The following C16orf95 variants were observed in gnomAD, a reference collection of about 807,000 sequenced individuals.
The protein encoded by C16orf95 is uncharacterized protein C16orf95.
C16orf95 carries 41 observed loss-of-function variants against 32.1 expected under a neutral mutation model. The ratio of observed to expected loss-of-function variants is 1.28; its 90% CI spans 1.00 to 1.66. The LOEUF is 1.66. C16orf95 is among the 40% of genes most tolerant of loss of function. The pLI is 0.00. For synonymous variants in C16orf95, 147 were observed against 128.9 expected (o/e 1.14, Z -0.95); for missense variants, 399 against 325.9 (o/e 1.22, Z -1.73).
chr16:87,310,114 G>T (rs1167370252), intron 5 of C16orf95, among the ~76,000 whole-genome samples, 183 bp downstream of exon 5: 1 of 152,208 alleles, frequency 6.6e-6, no homozygotes, highest in Non-Finnish European at 1.5e-5. Flanking sequence ...TGGGCTCACT[G>T]GGGGAAGGCA....
intron 5 of C16orf95, among the ~76,000 whole-genome samples, chr16:87,309,101 T>C (rs965831068): frequency 6.6e-6 from 1 of 152,194 alleles, no homozygotes; most frequent in East Asian, 1.9e-4. Context: ...CATAAACTTG[T>C]CATAAAGCAT....
intron 5 of C16orf95, among the ~76,000 whole-genome samples, chr16:87,307,949 T>G (rs1911100459): frequency 6.6e-6 from 1 of 151,944 alleles, no homozygotes; most frequent in Non-Finnish European, 1.5e-5. Context: ...AGAAAATGGG[T>G]GCCCTTTAAA....
At chr16:87,307,654 A>T (rs1911086642) in intron 5 of C16orf95, among the ~76,000 whole-genome samples, 1 of 152,166 alleles carries the variant, frequency 6.6e-6, no homozygotes, top group Non-Finnish European at 1.5e-5. Context: ...GCTACTTGGG[A>T]GGCTGAGGTA....
intron 1 of C16orf95, among the ~76,000 whole-genome samples, chr16:87,316,306 A>G (rs1904332711): frequency 6.6e-6 from 1 of 152,154 alleles, no homozygotes. Flanking sequence ...CTGGGATGAC[A>G]AAGCACTTGG....
rs1440245051 is a variant in C16orf95, at chr16:87,314,931, C to T, written c.330+40G>A. ...GGTGACTGGTCAACTGACATTCACC[C>T]TGGACCCTAGGGGAAGACCTCCTGG... On this transcript the variant is annotated intron_variant, in intron 3 of 6. Coordinates refer to ENST00000567970, the MANE Select transcript of C16orf95 (RefSeq NM_001195124.3). 2.6e-6 allele frequency: 4 copies of T among 1,527,698 alleles called. No individual in the cohort carries two copies. The African/African-American group carries it at 4.1e-5, about 16-fold the overall frequency. 94.6% of individuals were successfully genotyped at this position (1,527,698 alleles called of 1,614,324 possible).
intron 5 of C16orf95, among the ~76,000 whole-genome samples, chr16:87,309,268 T>A (rs1258646273): frequency 6.6e-6 from 1 of 152,112 alleles, no homozygotes; most frequent in Non-Finnish European, 1.5e-5. Context: ...TTCAGATATG[T>A]TATAATAAGT....
intron 3 of C16orf95, among the ~76,000 whole-genome samples, chr16:87,313,005 A>T (rs1053443621): frequency 2.0e-5 from 3 of 152,236 alleles, no homozygotes; most frequent in African/African-American, 7.2e-5. Context: ...CAAAATATTT[A>T]TGGGAAATAT....
At position 87,316,676 on chromosome 16, in the gene C16orf95, C is replaced by G. The variant is rs368765967; in HGVS notation, c.152+415G>C. ...GGGGGGGGCCACAGCCATCTCAGTC[C>G]TTGTAGTTCAGGTGGGCCAAACTCA... On this transcript the variant is annotated intron_variant, in intron 1 of 6. Transcript: ENST00000567970. Among the ~76,000 whole-genome samples, 36 of 152,140 alleles carry G rather than the reference C, an allele frequency of 2.4e-4. 1 individual carries two copies. Among genetic ancestry groups the G allele is most frequent in the African/African-American group, 8.7e-4 (36 of 41,496 alleles).
Position 87,303,054 on chromosome 16 carries a change from A to C in C16orf95, c.*3T>G, listed in dbSNP as rs1235719777. ...TTCTTGACAGTAGCTGAAGATTCCA[A>C]CTTCAAACCCCAAAACACTGGCTGG... On this transcript the variant is annotated 3_prime_UTR_variant, in exon 7 of 7. Transcript: ENST00000567970. 6.5e-7 allele frequency: 1 copy of C among 1,536,108 alleles called. No homozygotes were observed. The highest frequency in any genetic ancestry group is 2.0e-5 in the Admixed American group (1 of 50,994).
chr16:87,315,804 A>T lies in C16orf95; in HGVS notation c.172T>A (p.Tyr58Asn), dbSNP rs1257452419. 2.6e-6 allele frequency: 4 copies of T among 1,531,288 alleles called. No individual in the cohort carries two copies. Among genetic ancestry groups the T allele is most frequent in the Non-Finnish European group, 2.6e-6 (3 of 1,144,504 alleles). The allele number at this position is 1,531,288 out of a possible 1,614,324, so 94.9% of individuals were successfully genotyped here. The stretch of plus-strand genomic sequence containing the variant: ...CGGGGGAGGCACACTTCTTTCTTGT[A>T]GGTTTGAAATGTGCTATTCCTAGAA... ...QDGRNSTFQT[Y>N]KKEVCLPRHS... Residue 58 changes from tyrosine (Y) to asparagine (N), a missense_variant, in exon 2 of 7, where the codon TAC (tyrosine) becomes AAC (asparagine). By Grantham distance (143) the Tyr-to-Asn change is moderately radical (BLOSUM62 -2). Transcript: ENST00000567970.
Position 87,305,628 on chromosome 16 carries a change from T to A in C16orf95, c.701+91A>T. 8.3e-7 allele frequency: 1 copy of A among 1,199,150 alleles called. No homozygotes were observed. Among genetic ancestry groups the A allele is most frequent in the Non-Finnish European group, 1.1e-6 (1 of 891,228 alleles). 74.3% of individuals were successfully genotyped at this position (1,199,150 alleles called of 1,614,324 possible). ...TGTCAAGTTAAGCCCCACCCCCCAC[T>A]CTTCCACATCCCTGATGGCCACCAA... On this transcript the variant is annotated intron_variant, in intron 6 of 6. Coordinates refer to ENST00000567970, the MANE Select transcript of C16orf95 (RefSeq NM_001195124.3). This position sits in a 1 kb window ranked among gnomAD's most constrained non-coding sequence, Gnocchi z 4.2.
intron 3 of C16orf95, among the ~76,000 whole-genome samples, chr16:87,312,362 T>C (rs1911320362): frequency 6.6e-6 from 1 of 151,868 alleles, no homozygotes; most frequent in African/African-American, 2.4e-5. Context: ...TGAGATCAGG[T>C]GTTTGAGACC....
intron 4 of C16orf95, 82 bp from the exon 5 acceptor site, chr16:87,310,415 C>A: frequency 7.3e-7 from 1 of 1,378,056 alleles, no homozygotes; most frequent in Non-Finnish European, 1.0e-6. Flanking sequence ...TCCAAACCTC[C>A]AGGAGGGGCA....
intron 4 of C16orf95, among the ~76,000 whole-genome samples, chr16:87,310,703 C>A (rs1400640876): frequency 6.6e-6 from 1 of 152,126 alleles, no homozygotes; most frequent in Non-Finnish European, 1.5e-5. Flanking sequence ...CCGTCCCGGG[C>A]ACCCTCCTTC....
intron 5 of C16orf95, among the ~76,000 whole-genome samples, chr16:87,307,278 G>C (rs977812204): frequency 2.6e-5 from 4 of 152,172 alleles, no homozygotes; most frequent in Non-Finnish European, 4.4e-5. Context: ...TAGAGACAAA[G>C]AAAGTAATGG....
At chr16:87,303,130 G>A in intron 6 of C16orf95, 55 bp from the exon 7 acceptor site, 1 of 1,526,864 alleles carries the variant, frequency 6.5e-7, no homozygotes. Flanking sequence ...GAGACCAGCT[G>A]CCCTCAGCGC....
At position 87,317,059 on chromosome 16, in the gene C16orf95, G is replaced by A. The variant is rs1055324236; in HGVS notation, c.152+32C>T. ...CGGGAACTCACAGGCGAGGTGTCGG[G>A]TAGCCGCGGGCAGGATTCAGGACTC... On this transcript the variant is annotated intron_variant, in intron 1 of 6. Transcript: ENST00000567970. 2.0e-6 allele frequency: 3 copies of A among 1,478,362 alleles called. No individual in the cohort carries two copies. The African/African-American group carries it at 4.2e-5, about 21-fold the overall frequency. 91.6% of individuals were successfully genotyped at this position (1,478,362 alleles called of 1,614,324 possible). A position where few individuals can be genotyped will look rare whatever the true frequency, so the allele number is the denominator to read the frequency against.
chr16:87,305,682 A>C lies in C16orf95; in HGVS notation c.701+37T>G. On this transcript the variant is annotated intron_variant, in intron 6 of 6. Coordinates refer to ENST00000567970, the MANE Select transcript of C16orf95 (RefSeq NM_001195124.3). The surrounding 1 kb of genome is among the most constrained non-coding windows in gnomAD (Gnocchi z 4.2). Reference sequence around the variant, plus strand: ...TCCCTCAGGTGGACGTCACCATGCCAGGGCCACCCACTGTCCCCCATCCCC... The same window carrying C: ...TCCCTCAGGTGGACGTCACCATGCCCGGGCCACCCACTGTCCCCCATCCCC... 3 of 1,457,548 alleles carry C rather than the reference A, an allele frequency of 2.1e-6. No homozygotes were observed. Among genetic ancestry groups the C allele is most frequent in the Non-Finnish European group, 2.7e-6 (3 of 1,108,148 alleles). 90.3% of individuals were successfully genotyped at this position (1,457,548 alleles called of 1,614,324 possible). A position where few individuals can be genotyped will look rare whatever the true frequency, so the allele number is the denominator to read the frequency against.
intron 5 of C16orf95, 101 bp from the exon 6 acceptor site, chr16:87,306,006 G>T (rs1911010619): frequency 2.2e-6 from 2 of 898,822 alleles, no homozygotes; most frequent in South Asian, 2.5e-5. Context: ...CGGGAAATGG[G>T]GACTTCCAGG....
Sources: allele counts gnomAD v4.1 joint callset (sites outside exome capture counted in the v4.1 genomes callset), GRCh38; gene constraint gnomAD v4.1.1; non-coding constraint Gnocchi (gnomAD v3.1); transcripts MANE v1.5; gene names NCBI Gene and HGNC (gene_info 2026-07-23, HGNC 2026-07-21).